The following DGKB variants were observed in gnomAD, a reference collection of about 807,000 sequenced individuals.
The protein encoded by DGKB is diacylglycerol kinase beta.
In DGKB, 67 loss-of-function variants were observed where a neutral mutation model predicts 114.3. The ratio of observed to expected loss-of-function variants is 0.59; its 90% CI spans 0.48 to 0.72. DGKB has a LOEUF of 0.72. Ranked by LOEUF, DGKB falls within the 30% of genes least tolerant of loss-of-function variation. The pLI is 0.00. For synonymous variants in DGKB, 398 were observed against 323.1 expected (o/e 1.23, Z -2.49); for missense variants, 907 against 975.2 (o/e 0.93, Z 0.93).
chr7:14,360,587 T>C (rs1308361427), intron 21 of DGKB, among the ~76,000 whole-genome samples: 4 of 151,978 alleles, frequency 2.6e-5, no homozygotes, highest in Non-Finnish European at 1.5e-5. Flanking sequence ...AGCTCAGATT[T>C]CCCATCCTGA....
chr7:14,366,537 C>A (rs563961440), intron 21 of DGKB, among the ~76,000 whole-genome samples: 5 of 152,206 alleles, frequency 3.3e-5, no homozygotes, highest in Non-Finnish European at 7.4e-5. Flanking sequence ...CATGTGTATG[C>A]GCATCCTACA....
intron 15 of DGKB, among the ~76,000 whole-genome samples, chr7:14,619,924 T>G (rs751153614): frequency 6.6e-6 from 1 of 151,700 alleles, no homozygotes; most frequent in African/African-American, 2.4e-5. Flanking sequence ...TGCCTAGTCA[T>G]GTGAAATACA....
At chr7:14,701,910 T>C (rs111493990) in intron 6 of DGKB, among the ~76,000 whole-genome samples, 180 bp from the exon 7 acceptor site, 1 of 59,820 alleles carries the variant, frequency 1.7e-5, no homozygotes, top group African/African-American at 3.3e-5. Context: ...AATTAGTTAA[T>C]AGAAATACTG....
chr7:14,683,055 G>A (rs1821104304), intron 10 of DGKB, among the ~76,000 whole-genome samples: 1 of 152,060 alleles, frequency 6.6e-6, no homozygotes, highest in African/African-American at 2.4e-5. Flanking sequence ...GAAAAACCAA[G>A]GCTCCTCTAT....
At chr7:14,402,702 A>T (rs1823328534) in intron 21 of DGKB, among the ~76,000 whole-genome samples, 1 of 151,912 alleles carries the variant, frequency 6.6e-6, no homozygotes, top group African/African-American at 2.4e-5. Context: ...TGGTAAGGGT[A>T]TGATACCCAG....
At position 14,427,427 on chromosome 7, in the gene DGKB, C is replaced by T. The variant is rs138844034; in HGVS notation, c.1835+50734G>A. On this transcript the variant is annotated intron_variant, in intron 21 of 25. Transcript: ENST00000402815. ...TCACATTTTCCTGTCTTCTTCTGAG[C>T]CCTCCAAACCGTTCCAACCTCTGCC... 3.8e-3 allele frequency among the ~76,000 whole-genome samples: 577 copies of T among 152,202 alleles called. 4 individuals carry two copies. The highest frequency in any genetic ancestry group is 0.013 in the African/African-American group (550 of 41,544).
intron 20 of DGKB, among the ~76,000 whole-genome samples, chr7:14,508,037 T>G (rs1787374457): frequency 1.3e-5 from 2 of 152,220 alleles, no homozygotes; most frequent in Admixed American, 1.3e-4. Flanking sequence ...TGGTGTTTAG[T>G]CTTTCGTCTT....
At chr7:14,810,806 G>A (rs1022416579) in intron 2 of DGKB, among the ~76,000 whole-genome samples, 24 of 152,056 alleles carry the variant, frequency 1.6e-4, no homozygotes, top group Admixed American at 8.5e-4. Context: ...ATGCTGTTTC[G>A]CCATGTTGGC....
At chr7:14,862,074 C>A (rs1030151064) in intron 1 of DGKB, among the ~76,000 whole-genome samples, 2 of 151,890 alleles carry the variant, frequency 1.3e-5, no homozygotes, top group African/African-American at 4.8e-5. Context: ...TGAAACGATA[C>A]TGTGATTTTA....
intron 23 of DGKB, among the ~76,000 whole-genome samples, chr7:14,226,553 T>G: frequency 6.6e-6 from 1 of 151,980 alleles, no homozygotes; most frequent in East Asian, 1.9e-4. Flanking sequence ...CAATATCTCT[T>G]TTAAATTTTA....
chr7:14,378,839 C>T lies in DGKB; in HGVS notation c.1836-33448G>A, dbSNP rs186640188. On this transcript the variant is annotated intron_variant, in intron 21 of 25. Coordinates refer to ENST00000402815, the MANE Select transcript of DGKB (RefSeq NM_001350709.2). ...TCATTTTCTTCAGGCTTCCTTTATA[C>T]TAGATGATTATGCAAATAGAATTTA... is the stretch of plus-strand genomic sequence containing the variant. Among the ~76,000 whole-genome samples, 1,363 of 151,980 alleles carry T rather than the reference C, an allele frequency of 9.0e-3. 5 individuals are homozygous for T. Among genetic ancestry groups the T allele is most frequent in the Admixed American group, 0.013 (193 of 15,258 alleles).
intron 10 of DGKB, among the ~76,000 whole-genome samples, chr7:14,683,902 C>A (rs1404617): frequency 0.029 from 4,454 of 152,078 alleles, 157 homozygotes; most frequent in Admixed American, 0.073. Context: ...AACTTATGAG[C>A]AAAATTCTCA....
At chr7:14,658,804 A>C (rs1004496604) in intron 13 of DGKB, among the ~76,000 whole-genome samples, 1 of 151,920 alleles carries the variant, frequency 6.6e-6, no homozygotes, top group African/African-American at 2.4e-5. Context: ...ATACTAAAGA[A>C]TATTTTTTAA....
At chr7:14,782,841 A>T (rs962140713) in intron 2 of DGKB, among the ~76,000 whole-genome samples, 31 of 151,946 alleles carry the variant, frequency 2.0e-4, no homozygotes, top group African/African-American at 7.5e-4. Flanking sequence ...ATATATATAT[A>T]TATTTTTAAG....
chr7:14,316,901 C>A (rs1314432428), intron 23 of DGKB, among the ~76,000 whole-genome samples: 13 of 98,508 alleles, frequency 1.3e-4, no homozygotes, highest in East Asian at 6.2e-4. Flanking sequence ...TACTGGCAAA[C>A]CGAATCCAGC....
intron 23 of DGKB, among the ~76,000 whole-genome samples, chr7:14,253,427 G>A (rs1795527872): frequency 6.6e-6 from 1 of 152,058 alleles, no homozygotes. Context: ...CCCTATATGT[G>A]ATCTCCTCTA....
chr7:14,478,345 C>G (rs1782499015), intron 20 of DGKB, 120 bp from the exon 21 acceptor site: 1 of 619,340 alleles, frequency 1.6e-6, no homozygotes, highest in Non-Finnish European at 2.6e-6. Flanking sequence ...ATATTATTGC[C>G]AAGAAGGTTA....
intron 23 of DGKB, among the ~76,000 whole-genome samples, chr7:14,260,119 C>A (rs1303202625): frequency 6.3e-4 from 78 of 123,732 alleles, no homozygotes; most frequent in African/African-American, 2.7e-3. Context: ...AACACACACA[C>A]ACACACACAC....
At chr7:14,317,372 A>G (rs1342387473) in intron 23 of DGKB, among the ~76,000 whole-genome samples, 9 of 139,476 alleles carry the variant, frequency 6.5e-5, no homozygotes, top group Non-Finnish European at 1.1e-4. Flanking sequence ...ACATGATTGT[A>G]TATCTAGAAA....
Sources: allele counts gnomAD v4.1 joint callset (sites outside exome capture counted in the v4.1 genomes callset), GRCh38; gene constraint gnomAD v4.1.1; transcripts MANE v1.5; gene names NCBI Gene and HGNC (gene_info 2026-07-23, HGNC 2026-07-21).